Variants in ANKRD36 observed in about 807,000 individuals in gnomAD.
The protein encoded by ANKRD36 is ankyrin repeat domain-containing protein 36A.
A neutral mutation model predicts 278.1 loss-of-function variants in ANKRD36; 179 were observed. The observed-to-expected ratio is 0.64, with a 90% CI of 0.57 to 0.73. The LOEUF (loss-of-function observed/expected upper bound fraction) is 0.73, where lower values mean the gene tolerates loss of function less well. Among genes scored for constraint, ANKRD36 ranks in the 30% least tolerant of loss-of-function variants. ANKRD36 has a pLI of 0.00. For missense variants in ANKRD36, 1,159 were observed against 1,956.7 expected (o/e 0.59, Z 7.69); for synonymous variants, 320 against 641.1 (o/e 0.50, Z 7.57).
chr2:97,117,370 A>G (rs1390037852), intron 1 of ANKRD36, among the ~76,000 whole-genome samples: 6 of 152,012 alleles, frequency 3.9e-5, no homozygotes, highest in Non-Finnish European at 8.8e-5. Flanking sequence ...TGCCTGTTCT[A>G]TGTACTGTAT....
intron 6 of ANKRD36, among the ~76,000 whole-genome samples, chr2:97,138,096 G>T (rs2041985513): frequency 6.6e-6 from 1 of 151,776 alleles, no homozygotes; most frequent in African/African-American, 2.4e-5. Flanking sequence ...TCTGGCCAGG[G>T]TAATCAGGCA....
At position 97,207,953 on chromosome 2, in the gene ANKRD36, A is replaced by T. The variant is rs1312161243; in HGVS notation, c.3212A>T (p.Asp1071Val). Residue 1071 changes from aspartate (D) to valine (V), a missense_variant, in exon 54 of 76, where the codon GAT becomes GTT. Coordinates refer to ENST00000420699, the MANE Select transcript of ANKRD36 (RefSeq NM_001354587.1). ...ATTCAGGCTACAAGTGCCGAGAAAG[A>T]TTCTGTTTTGAATATAGCCAGAGGA... ...SGLKATSAEK[D>V]SVLNIARGKK... The T allele has an allele frequency of 2.1e-5, 32 of 1,527,444 alleles. 2 individuals carry two copies. Among genetic ancestry groups the T allele is most frequent in the Non-Finnish European group, 2.8e-5 (32 of 1,134,848 alleles). The allele number at this position is 1,527,444 out of a possible 1,614,324, so 94.6% of individuals were successfully genotyped here.
intron 44 of ANKRD36, among the ~76,000 whole-genome samples, chr2:97,199,231 T>G (rs1366167078): frequency 4.0e-5 from 6 of 151,888 alleles, no homozygotes; most frequent in Non-Finnish European, 5.9e-5. Flanking sequence ...ATAAGAAATA[T>G]TTGATTTTGG....
chr2:97,129,795 A>G (rs1370545160), intron 6 of ANKRD36, among the ~76,000 whole-genome samples: 2 of 151,942 alleles, frequency 1.3e-5, no homozygotes, highest in African/African-American at 2.4e-5. Context: ...ATGCGGCATT[A>G]TTTTTGAGGG....
chr2:97,190,698 C>T (rs552380753), intron 34 of ANKRD36, among the ~76,000 whole-genome samples: 13 of 151,686 alleles, frequency 8.6e-5, no homozygotes, highest in African/African-American at 2.7e-4. Flanking sequence ...CCTCATCACT[C>T]GGCATATCCA....
At chr2:97,202,771 C>A (rs550519338) in intron 48 of ANKRD36, among the ~76,000 whole-genome samples, 1 of 151,746 alleles carries the variant, frequency 6.6e-6, no homozygotes, top group South Asian at 2.1e-4. Context: ...AGACAGAAAA[C>A]TTCTTGTAAT....
At chr2:97,144,829 A>G (rs1289061719) in intron 10 of ANKRD36, 117 bp downstream of exon 10, 26 of 1,337,604 alleles carry the variant, frequency 1.9e-5, no homozygotes, top group Non-Finnish European at 2.2e-5. Flanking sequence ...CGGGCCTGAG[A>G]TTCTGCATTT....
chr2:97,209,824 G>C lies in ANKRD36; in HGVS notation c.3319G>C (p.Val1107Leu), dbSNP rs201612090. 4.3e-4 allele frequency: 680 copies of C among 1,598,514 alleles called. No individual in the cohort carries two copies. The highest frequency in any genetic ancestry group is 1.7e-3 in the Middle Eastern group (9 of 5,432). The change falls in exon 56 of 76, where the codon GTT (valine) becomes CTT (leucine). Residue 1107 changes from valine to leucine, a missense_variant. Coordinates refer to ENST00000420699, the MANE Select transcript of ANKRD36 (RefSeq NM_001354587.1). ...LKATSDEKDS[V>L]LYIAREKKDG... The stretch of plus-strand genomic sequence containing the variant: ...GGCTACAAGTGACGAGAAAGATTCT[G>C]TTTTGTATATAGCCAGAGAAAAAAA...
At chr2:97,187,884 G>A (rs1331821373) in intron 32 of ANKRD36, among the ~76,000 whole-genome samples, 1 of 151,772 alleles carries the variant, frequency 6.6e-6, no homozygotes, top group Non-Finnish European at 1.5e-5. Context: ...TTGTCAGACA[G>A]GAAGGAGGGA....
chr2:97,113,554 C>T lies in ANKRD36; in HGVS notation c.-186C>T, dbSNP rs1000365637. ...CCTCGGGCCTGTTGGGCAGGGCCGG[C>T]TAAGGTGCGCGTGCTCGCTGGTTCT... is the stretch of plus-strand genomic sequence containing the variant. On this transcript the variant is annotated 5_prime_UTR_variant, in exon 1 of 76. Coordinates refer to ENST00000420699, the MANE Select transcript of ANKRD36 (RefSeq NM_001354587.1). 3.2e-5 allele frequency: 22 copies of T among 681,706 alleles called. No homozygotes were observed. Among genetic ancestry groups the T allele is most frequent in the Non-Finnish European group, 5.3e-5 (22 of 415,108 alleles). The allele number at this position is 681,706 out of a possible 1,614,324, so 42.2% of individuals were successfully genotyped here.
intron 20 of ANKRD36, among the ~76,000 whole-genome samples, chr2:97,165,140 A>G (rs551082920): frequency 6.6e-6 from 1 of 152,352 alleles, no homozygotes; most frequent in South Asian, 2.1e-4. Flanking sequence ...GCACATTAAA[A>G]ATACTTTACA....
chr2:97,155,191 T>C (rs200394643), intron 15 of ANKRD36, among the ~76,000 whole-genome samples: 1 of 140,466 alleles, frequency 7.1e-6, no homozygotes, highest in Non-Finnish European at 1.6e-5. Flanking sequence ...CTGTTACACA[T>C]AGCATATAGT....
At chr2:97,167,166 A>T (rs983238655) in intron 20 of ANKRD36, among the ~76,000 whole-genome samples, 1 of 152,282 alleles carries the variant, frequency 6.6e-6, no homozygotes, top group South Asian at 2.1e-4. Context: ...TGTGGACAAC[A>T]TGAGTATTTT....
intron 32 of ANKRD36, 63 bp downstream of exon 32, chr2:97,187,464 C>G: frequency 4.3e-6 from 1 of 233,972 alleles, no homozygotes; most frequent in Non-Finnish European, 6.7e-6. Context: ...TTCTCTACCC[C>G]TAATAAATCA....
intron 1 of ANKRD36, among the ~76,000 whole-genome samples, chr2:97,115,914 C>G (rs2035188494): frequency 1.3e-5 from 2 of 150,190 alleles, no homozygotes; most frequent in African/African-American, 4.9e-5. Context: ...ATAAATTTAT[C>G]AATAAATTTC....
intron 6 of ANKRD36, among the ~76,000 whole-genome samples, chr2:97,140,994 A>G (rs1313047338): frequency 4.0e-5 from 6 of 151,890 alleles, no homozygotes; most frequent in Non-Finnish European, 8.8e-5. Context: ...GAAGTTTTGC[A>G]CATCAATGAT....
chr2:97,231,318 C>T (rs1245332389), intron 67 of ANKRD36, among the ~76,000 whole-genome samples: 1 of 152,164 alleles, frequency 6.6e-6, no homozygotes, highest in East Asian at 2.0e-4. Flanking sequence ...CTTTGTTTAC[C>T]TAAGCAAGCC....
At position 97,244,161 on chromosome 2, in the gene ANKRD36, G is replaced by A. The variant is rs1362366179; in HGVS notation, c.4491+132G>A. 5.2e-6 allele frequency: 6 copies of A among 1,164,504 alleles called. 1 individual carries two copies. Among genetic ancestry groups the A allele is most frequent in the Non-Finnish European group, 5.9e-6 (5 of 848,984 alleles). The allele number at this position is 1,164,504 out of a possible 1,614,324, so 72.1% of individuals were successfully genotyped here. A position where few individuals can be genotyped will look rare whatever the true frequency, so the allele number is the denominator to read the frequency against. On this transcript the variant is annotated intron_variant, in intron 70 of 75. Coordinates refer to ENST00000420699, the MANE Select transcript of ANKRD36 (RefSeq NM_001354587.1). ...TTATTTCATCTTAAAAATGAATCAT[G>A]GCATTTATAGCTATAATTATTTATA...
intron 54 of ANKRD36, among the ~76,000 whole-genome samples, chr2:97,208,646 T>A (rs1456530439): frequency 6.8e-6 from 1 of 146,576 alleles, no homozygotes; most frequent in Non-Finnish European, 1.5e-5. Flanking sequence ...TACACCACAC[T>A]GACCCATTAC....
Sources: allele counts gnomAD v4.1 joint callset (sites outside exome capture counted in the v4.1 genomes callset), GRCh38; gene constraint gnomAD v4.1.1; transcripts MANE v1.5; gene names NCBI Gene and HGNC (gene_info 2026-07-23, HGNC 2026-07-21).